The following MAPK14 variants were observed in gnomAD, a reference collection of about 807,000 sequenced individuals.
The protein encoded by MAPK14 is mitogen-activated protein kinase 14, also known as CSAID-binding protein.
In MAPK14, 16 loss-of-function variants were observed where a neutral mutation model predicts 49.6. The ratio of observed to expected loss-of-function variants is 0.32; its 90% CI spans 0.22 to 0.49. The LOEUF (loss-of-function observed/expected upper bound fraction) is 0.49, where lower values mean the gene tolerates loss of function less well. Among genes scored for constraint, MAPK14 ranks in the 20% least tolerant of loss-of-function variants. The pLI, the probability that MAPK14 is intolerant of heterozygous loss-of-function variation, is 0.99. For missense variants in MAPK14, 200 were observed against 441.2 expected (o/e 0.45, Z 4.90); for synonymous variants, 142 against 158.0 (o/e 0.90, Z 0.76).
At chr6:36,072,329 TA>T (rs1188874848) in intron 3 of MAPK14, among the ~76,000 whole-genome samples, 1 of 151,626 alleles carries the variant, frequency 6.6e-6, no homozygotes, top group Non-Finnish European at 1.5e-5. Context: ...ACCCTGTCTC[TA>T]AAAAAAAGAA....
At chr6:36,058,451 G>A (rs1763670172) in intron 2 of MAPK14, among the ~76,000 whole-genome samples, 1 of 152,192 alleles carries the variant, frequency 6.6e-6, no homozygotes, top group African/African-American at 2.4e-5. Context: ...AAGAGATGAA[G>A]ATTTTTAATG....
At chr6:36,044,910 G>T (rs1763112189) in intron 1 of MAPK14, among the ~76,000 whole-genome samples, 1 of 152,100 alleles carries the variant, frequency 6.6e-6, no homozygotes, top group African/African-American at 2.4e-5. Flanking sequence ...AAGGCAGGAG[G>T]ATCACTTAGC....
intron 3 of MAPK14, among the ~76,000 whole-genome samples, chr6:36,069,636 G>T (rs936243569): frequency 6.6e-6 from 1 of 152,196 alleles, no homozygotes; most frequent in Non-Finnish European, 1.5e-5. Flanking sequence ...TAAAATGGAT[G>T]TGGTCTCTGA....
intron 1 of MAPK14, among the ~76,000 whole-genome samples, chr6:36,044,133 A>G (rs1480442690): frequency 2.0e-5 from 3 of 152,074 alleles, no homozygotes; most frequent in Non-Finnish European, 4.4e-5. Context: ...TATTCTAATG[A>G]ATTTAATGTA....
chr6:36,104,650 G>A (rs1765747145), intron 10 of MAPK14, among the ~76,000 whole-genome samples: 1 of 152,134 alleles, frequency 6.6e-6, no homozygotes, highest in Non-Finnish European at 1.5e-5. Context: ...GCCTCCCAAA[G>A]TGCTGGGATT....
intron 3 of MAPK14, among the ~76,000 whole-genome samples, chr6:36,065,836 A>G (rs532004771): frequency 7.9e-5 from 12 of 152,286 alleles, no homozygotes; most frequent in African/African-American, 2.6e-4. Flanking sequence ...TCCTTAACAC[A>G]TTAGGAAATA....
intron 3 of MAPK14, among the ~76,000 whole-genome samples, chr6:36,066,517 T>A (rs1348940907): frequency 6.6e-6 from 1 of 151,900 alleles, no homozygotes; most frequent in Non-Finnish European, 1.5e-5. Context: ...ACTCAGAATA[T>A]TAGAGAAGCT....
At chr6:36,043,903 C>T (rs867165990) in intron 1 of MAPK14, among the ~76,000 whole-genome samples, 22 of 150,212 alleles carry the variant, frequency 1.5e-4, no homozygotes, top group African/African-American at 4.9e-4. Flanking sequence ...CTCTACCTCC[C>T]GGGTTCAAGC....
intron 2 of MAPK14, among the ~76,000 whole-genome samples, chr6:36,058,698 A>G (rs1763678980): frequency 6.6e-6 from 1 of 152,148 alleles, no homozygotes; most frequent in Non-Finnish European, 1.5e-5. Context: ...CAGAAGGTCA[A>G]GACCAGCCTG....
chr6:36,031,252 G>A (rs1020050849), intron 1 of MAPK14, among the ~76,000 whole-genome samples: 3 of 152,126 alleles, frequency 2.0e-5, no homozygotes, highest in Non-Finnish European at 4.4e-5. Flanking sequence ...GACCTCAAGT[G>A]ATCTGCTCTC....
At chr6:36,043,104 A>G (rs917676069) in intron 1 of MAPK14, among the ~76,000 whole-genome samples, 5 of 151,828 alleles carry the variant, frequency 3.3e-5, no homozygotes. Context: ...AGCCTGGGCA[A>G]CAGAGCAAGA....
intron 8 of MAPK14, among the ~76,000 whole-genome samples, chr6:36,086,539 C>G (rs1764992736): frequency 6.6e-6 from 1 of 152,180 alleles, no homozygotes; most frequent in Non-Finnish European, 1.5e-5. Context: ...TGCAAATAAA[C>G]TAGAAAATCT....
At chr6:36,090,962 A>G (rs1467649887) in intron 8 of MAPK14, among the ~76,000 whole-genome samples, 1 of 152,220 alleles carries the variant, frequency 6.6e-6, no homozygotes, top group East Asian at 1.9e-4. Context: ...CTATTTTGAC[A>G]ACTTGGAAGA....
chr6:36,112,836 T>G (rs1390583455), downstream of MAPK14, among the ~76,000 whole-genome samples: 2 of 152,216 alleles, frequency 1.3e-5, no homozygotes, highest in African/African-American at 4.8e-5. Context: ...TGCAATTAAG[T>G]TGCATTCTAT....
intron 1 of MAPK14, among the ~76,000 whole-genome samples, chr6:36,033,339 C>A: frequency 6.9e-6 from 1 of 144,786 alleles, no homozygotes. Flanking sequence ...TTTTTTGAGA[C>A]GGAGTCTTGC....
intron 8 of MAPK14, among the ~76,000 whole-genome samples, chr6:36,089,040 A>C (rs1307578513): frequency 6.6e-6 from 1 of 152,226 alleles, no homozygotes; most frequent in African/African-American, 2.4e-5. Flanking sequence ...TTGACCCAGC[A>C]ATCCCATTAC....
chr6:36,124,182 T>G, the MAPK14 span, among the ~76,000 whole-genome samples: 12 of 133,436 alleles, frequency 9.0e-5, no homozygotes, highest in African/African-American at 3.2e-4. Context: ...CTTCCTGCCT[T>G]CCTTTCGTTC....
chr6:36,085,216 A>G (rs1274754579), intron 8 of MAPK14, among the ~76,000 whole-genome samples: 2 of 152,122 alleles, frequency 1.3e-5, no homozygotes, highest in African/African-American at 4.8e-5. Context: ...ACAGAAACAC[A>G]CTGTTTTCTT....
the MAPK14 span, among the ~76,000 whole-genome samples, chr6:36,119,553 GTATT>G: frequency 6.6e-6 from 1 of 152,196 alleles, no homozygotes; most frequent in African/African-American, 2.4e-5. Flanking sequence ...ACTGCAGTAT[GTATT>G]CATGCAATGA....
Sources: gnomAD v4.1 joint callset for allele counts (sites outside exome capture counted in the v4.1 genomes callset) on GRCh38, gnomAD v4.1.1 for gene constraint, MANE v1.5 for transcripts, NCBI Gene and HGNC (gene_info 2026-07-23, HGNC 2026-07-21) for gene names.